ANK3: variants seen among roughly 807,000 people sequenced by gnomAD.
ANK3 encodes the protein ankyrin-3.
In ANK3, 57 loss-of-function variants were observed where a neutral mutation model predicts 370.9. The ratio of observed to expected loss-of-function variants is 0.15; its 90% confidence interval spans 0.12 to 0.19. The LOEUF (loss-of-function observed/expected upper bound fraction) is 0.19, where lower values mean the gene tolerates loss of function less well. ANK3 is among the 10% of genes least tolerant of loss of function. The pLI, the probability that ANK3 is intolerant of heterozygous loss-of-function variation, is 1.00. For synonymous variants in ANK3, 1,929 were observed against 1,946.3 expected (o/e 0.99, Z 0.23); for missense variants, 4,439 against 5,302.1 (o/e 0.84, Z 5.06).
chr10:60,064,761 G>A (rs1235711246), intron 38 of ANK3, among the ~76,000 whole-genome samples: 1 of 152,162 alleles, frequency 6.6e-6, no homozygotes, highest in African/African-American at 2.4e-5. Flanking sequence ...AGCTACTCAG[G>A]AGGCTGAGTT....
rs541693928 is a variant in ANK3, at chr10:60,190,326, T to C, written c.1888-3414A>G. ...CTATTGAGGCTCTGTACCTTATCTCTCACCACTGCCGGAATTCAGGAATGC... is the reference window on the plus strand; with the variant it reads ...CTATTGAGGCTCTGTACCTTATCTCCCACCACTGCCGGAATTCAGGAATGC... On this transcript the variant is annotated intron_variant, in intron 16 of 43. Transcript: ENST00000280772. Among the ~76,000 whole-genome samples the C allele has an allele frequency of 4.6e-5, 7 of 152,312 alleles. No individual in the cohort carries two copies. In the South Asian group the frequency reaches 1.5e-3, roughly 32 times the overall value.
intron 8 of ANK3, among the ~76,000 whole-genome samples, chr10:60,230,334 T>C (rs143521429): frequency 3.2e-3 from 484 of 152,324 alleles, no homozygotes; most frequent in Non-Finnish European, 3.6e-3. Flanking sequence ...TTTTAGTCTA[T>C]AAAGAAACGA....
chr10:60,477,762 T>C (rs1208670300), intron 2 of ANK3, among the ~76,000 whole-genome samples: 1 of 151,750 alleles, frequency 6.6e-6, no homozygotes. Context: ...AGAAAACAGG[T>C]AAGCAAAAAA....
intron 23 of ANK3, among the ~76,000 whole-genome samples, chr10:60,142,857 G>A (rs1210033400): frequency 6.6e-6 from 1 of 152,164 alleles, no homozygotes; most frequent in Non-Finnish European, 1.5e-5. Flanking sequence ...GTTTTCCACA[G>A]TAGGTGCTCT....
At chr10:60,457,904 G>A (rs2064788626) in intron 2 of ANK3, among the ~76,000 whole-genome samples, 1 of 152,050 alleles carries the variant, frequency 6.6e-6, no homozygotes, top group South Asian at 2.1e-4. Flanking sequence ...GAGAAGACAT[G>A]GCCTGAATCA....
At chr10:60,092,139 T>G (rs966934552) in intron 28 of ANK3, among the ~76,000 whole-genome samples, 2 of 152,140 alleles carry the variant, frequency 1.3e-5, no homozygotes, top group African/African-American at 4.8e-5. Context: ...GAGAAGAGGG[T>G]AGGGAACAGG....
chr10:60,636,889 T>C (rs2078562298), intron 1 of ANK3, among the ~76,000 whole-genome samples: 1 of 152,254 alleles, frequency 6.6e-6, no homozygotes, highest in African/African-American at 2.4e-5. Flanking sequence ...AGTTGAACTT[T>C]ACTACATTTA....
intron 8 of ANK3, 124 bp downstream of exon 8, chr10:60,234,564 T>C (rs2097300258): frequency 1.7e-6 from 1 of 576,386 alleles, no homozygotes; most frequent in Admixed American, 2.9e-5. Context: ...GCAGTCATTT[T>C]CCAAGAGACT....
At chr10:60,474,598 C>T (rs910639019) in intron 2 of ANK3, among the ~76,000 whole-genome samples, 4 of 152,208 alleles carry the variant, frequency 2.6e-5, no homozygotes, top group Non-Finnish European at 5.9e-5. Context: ...TTTCATACTT[C>T]GGCCTCTAGC....
At chr10:60,528,627 G>A (rs1165374602) in intron 2 of ANK3, among the ~76,000 whole-genome samples, 1 of 151,964 alleles carries the variant, frequency 6.6e-6, no homozygotes, top group African/African-American at 2.4e-5. Flanking sequence ...TATGCATTAG[G>A]GTTTTGAAAC....
intron 1 of ANK3, among the ~76,000 whole-genome samples, chr10:60,690,306 G>A (rs1371692955): frequency 6.6e-6 from 1 of 152,070 alleles, no homozygotes; most frequent in Non-Finnish European, 1.5e-5. Context: ...AAGCACAAGG[G>A]GTCAGGGGAT....
chr10:60,732,268 C>G (rs2080033480), intron 1 of ANK3, among the ~76,000 whole-genome samples: 2 of 152,236 alleles, frequency 1.3e-5, no homozygotes, highest in South Asian at 4.1e-4. Context: ...CCCAATCCCC[C>G]TTCCCGGGAC....
chr10:60,138,768 T>G (rs1469474458), intron 24 of ANK3, 196 bp downstream of exon 24: 24 of 661,648 alleles, frequency 3.6e-5, no homozygotes, highest in Non-Finnish European at 4.0e-5. Flanking sequence ...ACATGTTCAA[T>G]CACATGAAAT....
chr10:60,037,995 T>A (rs985620150), intron 43 of ANK3, among the ~76,000 whole-genome samples: 1 of 152,246 alleles, frequency 6.6e-6, no homozygotes, highest in Admixed American at 6.5e-5. Context: ...TTCTGACTGG[T>A]GTGACATGGT....
chr10:60,429,183 A>C (rs1324596340), intron 2 of ANK3, among the ~76,000 whole-genome samples: 6 of 152,154 alleles, frequency 3.9e-5, no homozygotes, highest in Non-Finnish European at 5.9e-5. Flanking sequence ...ATGATGCTGA[A>C]TCTCTGTAAT....
At chr10:60,484,296 T>C (rs2075295936) in intron 2 of ANK3, among the ~76,000 whole-genome samples, 1 of 152,134 alleles carries the variant, frequency 6.6e-6, no homozygotes, top group Non-Finnish European at 1.5e-5. Flanking sequence ...CTTTATCAAG[T>C]TAATTAGTAA....
intron 2 of ANK3, among the ~76,000 whole-genome samples, chr10:60,483,642 A>C (rs753204045): frequency 3.3e-5 from 5 of 152,172 alleles, no homozygotes; most frequent in Non-Finnish European, 7.3e-5. Flanking sequence ...TTTTAAAATG[A>C]CACAGAGCAT....
chr10:60,281,603 A>T (rs1359961927), intron 1 of ANK3, among the ~76,000 whole-genome samples: 1 of 152,194 alleles, frequency 6.6e-6, no homozygotes, highest in Admixed American at 6.5e-5. Context: ...AACTGGAAGC[A>T]TTCTTGGCAT....
At chr10:60,519,237 T>G (rs1051145594) in intron 2 of ANK3, among the ~76,000 whole-genome samples, 3 of 152,140 alleles carry the variant, frequency 2.0e-5, no homozygotes, top group Non-Finnish European at 4.4e-5. Context: ...AAGTTGCTTT[T>G]GTGGCTTGAG....
Sources: allele counts gnomAD v4.1 joint callset (sites outside exome capture counted in the v4.1 genomes callset), GRCh38; gene constraint gnomAD v4.1.1; transcripts MANE v1.5; gene names NCBI Gene and HGNC (gene_info 2026-07-23, HGNC 2026-07-21).